Variants in ZNF521 observed in about 807,000 individuals in gnomAD.
ZNF521 encodes zinc finger protein 521, also known as LYST-interacting protein 3.
In ZNF521, 14 loss-of-function variants were observed where a neutral mutation model predicts 105.5. That is an observed-to-expected ratio of 0.13 (90% CI 0.09 to 0.21). ZNF521 has a LOEUF of 0.21. Among genes scored for constraint, ZNF521 ranks in the 10% least tolerant of loss-of-function variants. The probability of loss-of-function intolerance (pLI) is 1.00; values close to 1 mark genes in which losing one functional copy is unlikely to be tolerated. For missense variants in ZNF521, 1,233 were observed against 1,629.7 expected (o/e 0.76, Z 4.19); for synonymous variants, 635 against 606.0 (o/e 1.05, Z -0.70).
At chr18:25,221,682 T>A (rs997586983) in intron 4 of ZNF521, among the ~76,000 whole-genome samples, 2 of 152,212 alleles carry the variant, frequency 1.3e-5, no homozygotes, top group African/African-American at 4.8e-5. Context: ...ATAAAATTTA[T>A]TCCTATATGA....
At chr18:25,235,960 A>T (rs1906863551) in intron 3 of ZNF521, among the ~76,000 whole-genome samples, 1 of 152,238 alleles carries the variant, frequency 6.6e-6, no homozygotes, top group Admixed American at 6.5e-5. Flanking sequence ...TTGTATTACA[A>T]CTGACCTCAG....
chr18:25,153,019 G>A (rs2035077377), intron 5 of ZNF521, among the ~76,000 whole-genome samples: 1 of 152,102 alleles, frequency 6.6e-6, no homozygotes, highest in African/African-American at 2.4e-5. Flanking sequence ...CATAAACCCT[G>A]TGATCTTTAT....
intron 3 of ZNF521, among the ~76,000 whole-genome samples, chr18:25,265,223 T>C (rs1909166741): frequency 1.3e-5 from 2 of 152,176 alleles, no homozygotes; most frequent in African/African-American, 4.8e-5. Flanking sequence ...TTAACTCCAG[T>C]GTTCAAAATA....
intron 3 of ZNF521, among the ~76,000 whole-genome samples, chr18:25,312,169 C>A (rs1170177573): frequency 2.6e-5 from 4 of 152,068 alleles, no homozygotes; most frequent in Non-Finnish European, 4.4e-5. Flanking sequence ...TTTCAAGATC[C>A]AAACTTTTTA....
At chr18:25,114,523 C>A (rs1441141950) in intron 5 of ZNF521, among the ~76,000 whole-genome samples, 1 of 152,092 alleles carries the variant, frequency 6.6e-6, no homozygotes. Flanking sequence ...GAGAGAATAG[C>A]ATAGTGGGCA....
chr18:25,306,601 A>C (rs1051626758), intron 3 of ZNF521, among the ~76,000 whole-genome samples: 1 of 152,202 alleles, frequency 6.6e-6, no homozygotes, highest in Admixed American at 6.5e-5. Context: ...AGACAAGAAC[A>C]CTAGCCAGCC....
intron 5 of ZNF521, among the ~76,000 whole-genome samples, chr18:25,126,828 AT>A (rs2034547650): frequency 6.6e-6 from 1 of 152,094 alleles, no homozygotes. Flanking sequence ...AATTATTGTA[AT>A]TACTGCACTT....
intron 5 of ZNF521, among the ~76,000 whole-genome samples, chr18:25,126,333 A>G (rs1294222621): frequency 1.3e-5 from 2 of 151,584 alleles, no homozygotes; most frequent in Non-Finnish European, 1.5e-5. Context: ...CTTACATTCT[A>G]CACAGTAATA....
chr18:25,184,962 G>A (rs1023715496), intron 5 of ZNF521, among the ~76,000 whole-genome samples: 20 of 151,962 alleles, frequency 1.3e-4, no homozygotes, highest in African/African-American at 4.6e-4. Flanking sequence ...TTAGTTACTG[G>A]GTAAAAACAG....
intron 5 of ZNF521, among the ~76,000 whole-genome samples, chr18:25,187,462 T>G (rs1232596220): frequency 6.6e-6 from 1 of 152,164 alleles, no homozygotes; most frequent in African/African-American, 2.4e-5. Flanking sequence ...TGACTTTAAT[T>G]TTAATAACTC....
At chr18:25,334,949 T>C (rs1302795019) in intron 2 of ZNF521, among the ~76,000 whole-genome samples, 6 of 152,204 alleles carry the variant, frequency 3.9e-5, no homozygotes, top group Admixed American at 3.9e-4. Context: ...AACATTTTAC[T>C]GGTAAGAAAA....
At chr18:25,187,219 G>T (rs1370393936) in intron 5 of ZNF521, among the ~76,000 whole-genome samples, 1 of 152,114 alleles carries the variant, frequency 6.6e-6, no homozygotes, top group Admixed American at 6.5e-5. Flanking sequence ...CTTAAAGTGT[G>T]AAAAGAGACT....
chr18:25,174,828 C>T (rs2035509050), intron 5 of ZNF521, among the ~76,000 whole-genome samples: 1 of 152,182 alleles, frequency 6.6e-6, no homozygotes, highest in Admixed American at 6.5e-5. Context: ...AGCCCCATTA[C>T]ATCTTAATGA....
chr18:25,088,364 C>T (rs887767046), intron 7 of ZNF521, among the ~76,000 whole-genome samples: 3 of 151,800 alleles, frequency 2.0e-5, no homozygotes, highest in East Asian at 1.9e-4. Flanking sequence ...TACAGCCGCC[C>T]GCCACTGTGC....
chr18:25,273,174 C>A (rs1228658867), intron 3 of ZNF521, among the ~76,000 whole-genome samples: 1 of 129,524 alleles, frequency 7.7e-6, no homozygotes, highest in African/African-American at 3.0e-5. Context: ...TTGCAGTGAG[C>A]CGAGATCGCT....
In ZNF521 at chr18:25,213,143, T is replaced by C. The variant is rs145801224; in HGVS notation, c.3573+11202A>G. On this transcript the variant is annotated intron_variant, in intron 4 of 7. Transcript: ENST00000361524. ...AGTTAAAATTTCCCTGCAAATTACA[T>C]TGTCAGTATAATAATATAGTTACAT... Among the ~76,000 whole-genome samples, 655 of 149,234 alleles carry C rather than the reference T, an allele frequency of 4.4e-3. 4 individuals carry two copies. Among genetic ancestry groups the C allele is most frequent in the Admixed American group, 6.7e-3 (100 of 14,908 alleles).
At chr18:25,338,398 TCA>T (rs1441477217) in intron 2 of ZNF521, among the ~76,000 whole-genome samples, 2 of 151,906 alleles carry the variant, frequency 1.3e-5, no homozygotes, top group African/African-American at 2.4e-5. Context: ...TCACAATCTT[TCA>T]CAGTTTTTCT....
At chr18:25,166,083 G>C (rs1012042072) in intron 5 of ZNF521, among the ~76,000 whole-genome samples, 7 of 152,030 alleles carry the variant, frequency 4.6e-5, no homozygotes, top group African/African-American at 1.7e-4. Flanking sequence ...TAACACAAAA[G>C]TGCTATCCAT....
At chr18:25,189,861 G>C (rs1354626353) in intron 5 of ZNF521, among the ~76,000 whole-genome samples, 2 of 152,088 alleles carry the variant, frequency 1.3e-5, no homozygotes, top group African/African-American at 4.8e-5. Context: ...GGTTCACTTG[G>C]ACCAACTCTA....
Sources: gnomAD v4.1 joint callset for allele counts (sites outside exome capture counted in the v4.1 genomes callset) on GRCh38, gnomAD v4.1.1 for gene constraint, MANE v1.5 for transcripts, NCBI Gene and HGNC (gene_info 2026-07-23, HGNC 2026-07-21) for gene names.